Variants in DAB1 observed in about 807,000 individuals in gnomAD.
DAB1 encodes the protein DAB adaptor protein 1, also known as disabled homolog 1.
A neutral mutation model predicts 64.6 loss-of-function variants in DAB1; 15 were observed. The observed-to-expected ratio is 0.23, with a 90% CI of 0.16 to 0.36. The LOEUF (loss-of-function observed/expected upper bound fraction) is 0.36, where lower values mean the gene tolerates loss of function less well. Among genes scored for constraint, DAB1 ranks in the 10% least tolerant of loss-of-function variants. DAB1 has a pLI of 1.00. For missense variants in DAB1, 596 were observed against 706.7 expected, an observed-to-expected ratio of 0.84 and a Z score of 1.78; for synonymous variants, 235 against 251.9, an observed-to-expected ratio of 0.93 and a Z score of 0.64.
At chr1:58,345,613 G>A (rs112499799) in intron 3 of DAB1, among the ~76,000 whole-genome samples, 1,624 of 152,170 alleles carry the variant, frequency 0.011, 32 homozygotes, top group African/African-American at 0.038. Context: ...TAAATCCAAC[G>A]GGAAGATTTG....
At chr1:57,031,991 C>T (rs1361833239) in intron 9 of DAB1, among the ~76,000 whole-genome samples, 2 of 152,138 alleles carry the variant, frequency 1.3e-5, no homozygotes, top group Non-Finnish European at 2.9e-5. Flanking sequence ...GAGGTAGTCC[C>T]CCAGTATCTC....
chr1:57,896,366 TATGCTTGTCA>T (rs573373002), intron 5 of DAB1, among the ~76,000 whole-genome samples: 332 of 152,020 alleles, frequency 2.2e-3, no homozygotes, highest in African/African-American at 7.7e-3. Flanking sequence ...ACTATTATTA[TATGCTTGTCA>T]ACTTGACAAT....
chr1:58,374,439 C>T lies in DAB1; in HGVS notation n.258-31036G>A, dbSNP rs1338523857. On this transcript the variant is annotated intron_variant and non_coding_transcript_variant, in intron 3 of 20. Coordinates refer to the DAB1 transcript ENST00000485760. ...CAGCACCATTTATTAAATAGGGAAT[C>T]CTTTCCCCATTGCTTGTTTTTCTCA... Among the ~76,000 whole-genome samples, 5 of 150,762 alleles carry T rather than the reference C, an allele frequency of 3.3e-5. No individual in the cohort carries two copies. The Middle Eastern group carries it at 0.014, about 413-fold the overall frequency.
intron 4 of DAB1, among the ~76,000 whole-genome samples, chr1:57,104,159 A>C (rs992037974): frequency 6.6e-5 from 10 of 152,230 alleles, no homozygotes; most frequent in African/African-American, 2.4e-4. Flanking sequence ...ATCTGTAACA[A>C]GAGACATATG....
intron 6 of DAB1, among the ~76,000 whole-genome samples, chr1:57,789,509 C>T (rs1465296862): frequency 6.6e-6 from 1 of 152,120 alleles, no homozygotes; most frequent in Non-Finnish European, 1.5e-5. Flanking sequence ...TGGTGAGGAC[C>T]CTCTTCATAG....
chr1:58,393,643 T>C (rs1644494889), intron 3 of DAB1, among the ~76,000 whole-genome samples: 1 of 152,062 alleles, frequency 6.6e-6, no homozygotes, highest in South Asian at 2.1e-4. Context: ...AAGATACATA[T>C]CACACTTATA....
At chr1:57,573,847 C>T (rs1243336905) in intron 7 of DAB1, among the ~76,000 whole-genome samples, 2 of 152,076 alleles carry the variant, frequency 1.3e-5, no homozygotes, top group South Asian at 2.1e-4. Context: ...CAAGTCCTGG[C>T]GTGCAGTATG....
intron 9 of DAB1, among the ~76,000 whole-genome samples, chr1:57,044,880 A>G (rs890641635): frequency 6.6e-5 from 10 of 152,206 alleles, no homozygotes. Context: ...TAATAATTAT[A>G]GCTAATGCTT....
intron 4 of DAB1, among the ~76,000 whole-genome samples, chr1:57,134,570 C>T (rs1201950257): frequency 1.6e-5 from 2 of 126,604 alleles, no homozygotes; most frequent in Admixed American, 8.2e-5. Context: ...CTATTGGGTA[C>T]TAGGCTTAGT....
intron 1 of DAB1, among the ~76,000 whole-genome samples, chr1:57,408,414 C>T (rs990947410): frequency 1.3e-5 from 2 of 152,136 alleles, no homozygotes; most frequent in African/African-American, 4.8e-5. Flanking sequence ...GGTGACTATT[C>T]CTACTCACGG....
chr1:57,977,595 G>A (rs933966015), intron 5 of DAB1, among the ~76,000 whole-genome samples: 1 of 152,160 alleles, frequency 6.6e-6, no homozygotes, highest in African/African-American at 2.4e-5. Context: ...TGAACACTCA[G>A]TTAGCAATGG....
intron 2 of DAB1, among the ~76,000 whole-genome samples, chr1:57,151,137 T>A (rs890304659): frequency 2.0e-5 from 3 of 152,298 alleles, no homozygotes; most frequent in Admixed American, 2.0e-4. Flanking sequence ...TCATGAAGCA[T>A]CTTGGAAGCC....
intron 5 of DAB1, among the ~76,000 whole-genome samples, chr1:57,901,976 C>A (rs979329273): frequency 4.6e-5 from 7 of 151,658 alleles, no homozygotes; most frequent in Non-Finnish European, 7.4e-5. Context: ...GGCAACATGG[C>A]AAAACCCCAT....
At chr1:57,269,043 G>A (rs1049825595) in intron 2 of DAB1, among the ~76,000 whole-genome samples, 2 of 152,120 alleles carry the variant, frequency 1.3e-5, no homozygotes, top group Non-Finnish European at 2.9e-5. Context: ...AGTTACTTTA[G>A]AGAGATCGAG....
At chr1:57,812,219 A>G (rs1370342140) in intron 6 of DAB1, among the ~76,000 whole-genome samples, 1 of 151,208 alleles carries the variant, frequency 6.6e-6, no homozygotes. Context: ...TGTATTCCAG[A>G]GGGAAGAGTC....
At chr1:58,044,627 C>T (rs1046231697) in intron 5 of DAB1, among the ~76,000 whole-genome samples, 11 of 152,204 alleles carry the variant, frequency 7.2e-5, no homozygotes, top group African/African-American at 2.4e-4. Context: ...TTCATAATTT[C>T]ACTATAGCAT....
chr1:57,062,470 G>A (rs113367317), intron 9 of DAB1, among the ~76,000 whole-genome samples: 3,809 of 152,214 alleles, frequency 0.025, 168 homozygotes, highest in African/African-American at 0.087. Context: ...CTCTTACTCA[G>A]GTTATTCTGA....
chr1:57,053,831 A>T (rs1649467960), intron 9 of DAB1, among the ~76,000 whole-genome samples: 1 of 150,958 alleles, frequency 6.6e-6, no homozygotes, highest in African/African-American at 2.4e-5. Flanking sequence ...GGGACTACAG[A>T]AGTGTGCCAC....
intron 6 of DAB1, among the ~76,000 whole-genome samples, chr1:57,758,148 G>C (rs559797136): frequency 1.8e-4 from 27 of 152,216 alleles, no homozygotes; most frequent in Non-Finnish European, 3.2e-4. Context: ...CAAAAGTAAA[G>C]GGTCTGGCAC....
Sources: allele counts gnomAD v4.1 joint callset (sites outside exome capture counted in the v4.1 genomes callset), GRCh38; gene constraint gnomAD v4.1.1; transcripts MANE v1.5; gene names NCBI Gene and HGNC (gene_info 2026-07-23, HGNC 2026-07-21).